Variants in PTPRN2 observed in about 807,000 individuals in gnomAD.
PTPRN2 encodes protein tyrosine phosphatase receptor type N2, also known as receptor-type tyrosine-protein phosphatase N2.
PTPRN2 carries 74 observed loss-of-function variants against 118.8 expected under a neutral mutation model. The ratio of observed to expected loss-of-function variants is 0.62; its 90% CI spans 0.52 to 0.76. The LOEUF is 0.76. Ranked by LOEUF, PTPRN2 falls within the 30% of genes least tolerant of loss-of-function variation. The probability of loss-of-function intolerance (pLI) is 0.00; values close to 1 mark genes in which losing one functional copy is unlikely to be tolerated. For synonymous variants in PTPRN2, 641 were observed against 608.0 expected (o/e 1.05, Z -0.80); for missense variants, 1,481 against 1,394.4 (o/e 1.06, Z -0.99).
At chr7:157,604,203 CA>C (rs1801871056) in intron 15 of PTPRN2, 128 bp from the exon 16 acceptor site, 1 of 821,436 alleles carries the variant, frequency 1.2e-6, no homozygotes, top group African/African-American at 1.7e-5. Flanking sequence ...GTCCATCACA[CA>C]GCAGTGTGGG....
intron 12 of PTPRN2, among the ~76,000 whole-genome samples, chr7:157,803,742 G>A (rs1409555871): frequency 1.3e-5 from 2 of 152,014 alleles, no homozygotes; most frequent in East Asian, 3.8e-4. Context: ...CAGTGTATGA[G>A]TTGTTTCTGG....
intron 10 of PTPRN2, among the ~76,000 whole-genome samples, chr7:158,086,236 C>T (rs576534002): frequency 6.9e-6 from 1 of 145,790 alleles, no homozygotes; most frequent in Non-Finnish European, 1.5e-5. Flanking sequence ...GAGTTAGGAA[C>T]AGGTAGCCCA....
chr7:158,388,520 G>A (rs1021201550), intron 2 of PTPRN2, among the ~76,000 whole-genome samples: 5 of 152,206 alleles, frequency 3.3e-5, no homozygotes, highest in African/African-American at 1.2e-4. Flanking sequence ...GGGACGCACG[G>A]GGCAGGGTGC....
intron 2 of PTPRN2, among the ~76,000 whole-genome samples, chr7:158,463,265 T>C (rs1819131432): frequency 6.6e-6 from 1 of 152,152 alleles, no homozygotes; most frequent in South Asian, 2.1e-4. Flanking sequence ...CCATCTTTTC[T>C]CATTTCTGTC....
intron 12 of PTPRN2, among the ~76,000 whole-genome samples, chr7:157,743,622 G>C (rs1006679767): frequency 2.6e-5 from 4 of 151,678 alleles, no homozygotes; most frequent in African/African-American, 9.7e-5. Flanking sequence ...GGCAAGCCAT[G>C]GCTGGGATAG....
intron 15 of PTPRN2, among the ~76,000 whole-genome samples, chr7:157,612,950 T>G (rs1445956622): frequency 3.3e-5 from 5 of 152,092 alleles, no homozygotes; most frequent in African/African-American, 1.2e-4. Context: ...CCCGCCCGGG[T>G]CTGCGGCTCC....
chr7:158,492,934 T>A (rs1413275169), intron 1 of PTPRN2, among the ~76,000 whole-genome samples: 4 of 152,210 alleles, frequency 2.6e-5, no homozygotes, highest in Non-Finnish European at 4.4e-5. Context: ...CTGCATACAC[T>A]AAGGTCCAGA....
intron 12 of PTPRN2, among the ~76,000 whole-genome samples, chr7:157,894,170 C>G (rs62478067): frequency 6.6e-6 from 1 of 152,166 alleles, no homozygotes; most frequent in South Asian, 2.1e-4. Context: ...ATCGAAATCC[C>G]GCATGACGCA....
chr7:158,402,274 C>G (rs1813003307), intron 2 of PTPRN2, among the ~76,000 whole-genome samples: 1 of 152,180 alleles, frequency 6.6e-6, no homozygotes, highest in Admixed American at 6.5e-5. Context: ...GTCCACGGCA[C>G]TAGGAGGCAC....
At chr7:158,171,113 T>TAA (rs1823541254) in intron 5 of PTPRN2, among the ~76,000 whole-genome samples, 1 of 68,686 alleles carries the variant, frequency 1.5e-5, no homozygotes, top group African/African-American at 8.9e-5. Context: ...CACATATATA[T>TAA]ACACACATAT....
At chr7:158,234,931 T>G (rs1417514490) in intron 3 of PTPRN2, among the ~76,000 whole-genome samples, 1 of 151,986 alleles carries the variant, frequency 6.6e-6, no homozygotes, top group African/African-American at 2.4e-5. Context: ...CCCGGCTAAT[T>G]TTTTGTATTT....
chr7:157,967,626 G>A (rs1241104612), intron 11 of PTPRN2, among the ~76,000 whole-genome samples: 1 of 152,152 alleles, frequency 6.6e-6, no homozygotes, highest in Non-Finnish European at 1.5e-5. Context: ...CATGACATGG[G>A]GAAAAGGAGA....
intron 2 of PTPRN2, among the ~76,000 whole-genome samples, chr7:158,335,675 G>A (rs1232520570): frequency 6.4e-5 from 1 of 15,608 alleles, no homozygotes; most frequent in Non-Finnish European, 1.7e-4. Context: ...GGTGACACAT[G>A]CAAACGTCAC....
chr7:158,120,017 G>T (rs1817028390), intron 9 of PTPRN2, among the ~76,000 whole-genome samples: 1 of 152,206 alleles, frequency 6.6e-6, no homozygotes, highest in African/African-American at 2.4e-5. Flanking sequence ...ATATTATTTA[G>T]CCCTGAACAG....
chr7:157,745,139 C>T lies in PTPRN2; in HGVS notation c.1789-62202G>A, dbSNP rs1319717281. 3.9e-5 allele frequency among the ~76,000 whole-genome samples: 6 copies of T among 152,258 alleles called. No individual in the cohort carries two copies. In the South Asian group the frequency reaches 8.3e-4, roughly 21 times the overall value. ...ACCGAGACAGCTCCAGGAGTGGCCACCCCAGCATTTCTCAGGGGAAGAAAT... is the reference window on the plus strand; with the variant it reads ...ACCGAGACAGCTCCAGGAGTGGCCATCCCAGCATTTCTCAGGGGAAGAAAT... On this transcript the variant is annotated intron_variant, in intron 12 of 22. Coordinates refer to ENST00000389418, the MANE Select transcript of PTPRN2 (RefSeq NM_002847.5).
At chr7:158,100,682 T>A (rs1488163868) in intron 10 of PTPRN2, among the ~76,000 whole-genome samples, 1 of 152,242 alleles carries the variant, frequency 6.6e-6, no homozygotes, top group Non-Finnish European at 1.5e-5. Flanking sequence ...ATATGTTTGT[T>A]GGCCATTTGT....
chr7:157,646,969 G>A (rs1408653866), intron 14 of PTPRN2, among the ~76,000 whole-genome samples: 1 of 147,370 alleles, frequency 6.8e-6, no homozygotes, highest in Non-Finnish European at 1.5e-5. Context: ...CGGTGGGTTG[G>A]ACCCATTCAC....
intron 2 of PTPRN2, among the ~76,000 whole-genome samples, chr7:158,382,501 C>T (rs1423576143): frequency 6.6e-6 from 1 of 152,166 alleles, no homozygotes; most frequent in Non-Finnish European, 1.5e-5. Context: ...TTTTTCCAGC[C>T]CCATTCTATT....
chr7:158,436,106 CTTA>C (rs894031917), intron 2 of PTPRN2, among the ~76,000 whole-genome samples: 4 of 152,212 alleles, frequency 2.6e-5, no homozygotes, highest in Non-Finnish European at 5.9e-5. Context: ...GGATCCCTGA[CTTA>C]TTAGTGTAAC....
Sources: allele counts gnomAD v4.1 joint callset (sites outside exome capture counted in the v4.1 genomes callset), GRCh38; gene constraint gnomAD v4.1.1; transcripts MANE v1.5; gene names NCBI Gene and HGNC (gene_info 2026-07-23, HGNC 2026-07-21).